Variants in SPTB observed in about 807,000 individuals in gnomAD.
SPTB encodes spectrin beta chain, erythrocytic.
A neutral mutation model predicts 256.2 loss-of-function variants in SPTB; 45 were observed. The ratio of observed to expected loss-of-function variants is 0.18; its 90% CI spans 0.14 to 0.23. SPTB has a LOEUF of 0.23. Among genes scored for constraint, SPTB ranks in the 10% least tolerant of loss-of-function variants. The pLI is 1.00. For missense variants in SPTB, 2,715 were observed against 3,040.4 expected (o/e 0.89, Z 2.52); for synonymous variants, 1,231 against 1,243.1 (o/e 0.99, Z 0.21).
intron 32 of SPTB, chr14:64,766,486 T>A: frequency 7.0e-7 from 1 of 1,436,770 alleles, no homozygotes. Context: ...GTCATGTCAC[T>A]GGGCTGGCCT....
chr14:64,802,101 A>G lies in SPTB; in HGVS notation c.566+125T>C. ...AGAATCAGGTCAGGACAGACTTTGC[A>G]TCAATTACAGGGAGGCAGCTGTAGT... On this transcript the variant is annotated intron_variant, in intron 5 of 35. Coordinates refer to ENST00000644917, the MANE Select transcript of SPTB (RefSeq NM_001355436.2). The surrounding 1 kb of genome is among the most constrained non-coding windows in gnomAD (Gnocchi z 5.1). 1 of 999,842 alleles carries G rather than the reference A, an allele frequency of 1.0e-6. No homozygotes were observed. The highest frequency in any genetic ancestry group is 1.6e-6 in the Non-Finnish European group (1 of 641,310). 61.9% of individuals were successfully genotyped at this position (999,842 alleles called of 1,614,324 possible). A position where few individuals can be genotyped will look rare whatever the true frequency, so the allele number is the denominator to read the frequency against.
At chr14:64,838,357 A>C (rs760036109) in intron 1 of SPTB, among the ~76,000 whole-genome samples, 9 of 152,224 alleles carry the variant, frequency 5.9e-5, no homozygotes, top group Non-Finnish European at 1.0e-4. Flanking sequence ...GTTAAGCAAA[A>C]TATTTTAAAC....
At chr14:64,864,861 A>T (rs1455088280) in intron 1 of SPTB, among the ~76,000 whole-genome samples, 1 of 152,214 alleles carries the variant, frequency 6.6e-6, no homozygotes, top group East Asian at 1.9e-4. Context: ...CAGGCAGGAA[A>T]GAAGGTCTGG....
chr14:64,845,030 A>G lies in SPTB; in HGVS notation c.-51-21885T>C, dbSNP rs1245950145. ...CAATACTTCCTTGTTAAAGAGAGAG[A>G]TGGACATGGAAAATAAGCAAAGCAC... is the stretch of plus-strand genomic sequence containing the variant. On this transcript the variant is annotated intron_variant, in intron 1 of 35. Transcript: ENST00000644917. This position sits in a 1 kb window ranked among gnomAD's most constrained non-coding sequence, Gnocchi z 4.8. Among the ~76,000 whole-genome samples, 1 of 152,242 alleles carries G rather than the reference A, an allele frequency of 6.6e-6. No homozygotes were observed. The highest frequency in any genetic ancestry group is 1.5e-5 in the Non-Finnish European group (1 of 68,038).
intron 10 of SPTB, among the ~76,000 whole-genome samples, chr14:64,797,259 G>C (rs2139609481): frequency 6.6e-6 from 1 of 152,034 alleles, no homozygotes; most frequent in African/African-American, 2.4e-5. Flanking sequence ...GATTGTTTGA[G>C]CCCAGTACAA....
chr14:64,877,436 C>A (rs1437805387), intron 1 of SPTB, among the ~76,000 whole-genome samples: 1 of 152,178 alleles, frequency 6.6e-6, no homozygotes, highest in Non-Finnish European at 1.5e-5. Flanking sequence ...TAGAACCAAA[C>A]AAACTGAGTT....
rs2082527927 is a variant in SPTB, at chr14:64,784,488, A to G, written c.3856-95T>C. On this transcript the variant is annotated intron_variant, in intron 18 of 35. Coordinates refer to ENST00000644917, the MANE Select transcript of SPTB (RefSeq NM_001355436.2). The stretch of plus-strand genomic sequence containing the variant: ...TCCCTGGCTGCAGAAGGAGAAGGCC[A>G]TGGGGAGGAAGTGCAAGCACAGAAG... 3 of 1,517,830 alleles carry G rather than the reference A, an allele frequency of 2.0e-6. No individual in the cohort carries two copies. The Admixed American group carries it at 5.0e-5, about 25-fold the overall frequency. 94.0% of individuals were successfully genotyped at this position (1,517,830 alleles called of 1,614,324 possible). A position where few individuals can be genotyped will look rare whatever the true frequency, so the allele number is the denominator to read the frequency against.
chr14:64,820,068 A>G (rs17102170), intron 2 of SPTB, among the ~76,000 whole-genome samples: 4,933 of 152,248 alleles, frequency 0.032, 275 homozygotes, highest in African/African-American at 0.11. Flanking sequence ...TTTCAGAAGA[A>G]GACGCCAGGC....
intron 32 of SPTB, chr14:64,763,764 T>A (rs774522663): frequency 1.7e-5 from 9 of 518,912 alleles, no homozygotes; most frequent in Non-Finnish European, 3.8e-6. Flanking sequence ...CTTACCTGTA[T>A]GAACGGATTG....
Position 64,751,927 on chromosome 14 carries a change from C to CAAAAA in SPTB, c.6602+1605_6602+1609dup, listed in dbSNP as rs374561563. ...TGAAACCCCATTTCTACTAAAAATG[C>CAAAAA]AAAAAAAAAAAAAAAAATTAGCCAG... On this transcript the variant is annotated intron_variant, in intron 33 of 35. Transcript: ENST00000644917. Among the ~76,000 whole-genome samples the CAAAAA allele has an allele frequency of 2.9e-4, 21 of 71,948 alleles. 1 individual carries two copies. The highest frequency in any genetic ancestry group is 5.7e-4 in the African/African-American group (10 of 17,512). 47.2% of individuals were successfully genotyped at this position (71,948 alleles called of 152,430 possible). A position where few individuals can be genotyped will look rare whatever the true frequency, so the allele number is the denominator to read the frequency against.
chr14:64,876,570 T>C (rs1041127928), intron 1 of SPTB, among the ~76,000 whole-genome samples: 5 of 152,180 alleles, frequency 3.3e-5, no homozygotes, highest in African/African-American at 1.2e-4. Context: ...TCCTTCCCCA[T>C]GCCCCCCAAA....
chr14:64,749,478 G>T lies in SPTB; in HGVS notation c.6820-5C>A. 1 of 1,599,302 alleles carries T rather than the reference G, an allele frequency of 6.3e-7. No individual in the cohort carries two copies. ...CAGCCAGGACAGCATCTCCTCCTGCGGGGCGGAGGGTCACGGTGGAGTCTG... is the reference window on the plus strand; with the variant it reads ...CAGCCAGGACAGCATCTCCTCCTGCTGGGCGGAGGGTCACGGTGGAGTCTG... On this transcript the variant is annotated splice_polypyrimidine_tract_variant and splice_region_variant and intron_variant, in intron 35 of 35. Coordinates refer to ENST00000644917, the MANE Select transcript of SPTB (RefSeq NM_001355436.2). This position sits in a 1 kb window ranked among gnomAD's most constrained non-coding sequence, Gnocchi z 4.7.
rs2082272926 is a variant in SPTB at position 64,771,097 on chromosome 14, C to T, written c.5586G>A (p.Leu1862=). 1 of 1,614,070 alleles carries T rather than the reference C, an allele frequency of 6.2e-7. No individual in the cohort carries two copies. Among genetic ancestry groups the T allele is most frequent in the Non-Finnish European group, 8.5e-7 (1 of 1,180,050 alleles). Reference sequence around the variant, plus strand: ...CCTTCTCCCCAGCATATGCTGTCTGCAGACGGGTGGCCACGTCCTGGAACT... The same window carrying T: ...CCTTCTCCCCAGCATATGCTGTCTGTAGACGGGTGGCCACGTCCTGGAACT... ...VQQFQDVATR[L]QTAYAGEKAE... Residue 1862 remains leucine, a synonymous_variant, in exon 27 of 36, where the codon CTG becomes CTA. Coordinates refer to ENST00000644917, the MANE Select transcript of SPTB (RefSeq NM_001355436.2).
intron 1 of SPTB, among the ~76,000 whole-genome samples, chr14:64,877,114 T>G (rs541180064): frequency 1.3e-5 from 2 of 150,370 alleles, no homozygotes; most frequent in Non-Finnish European, 3.0e-5. Context: ...CAAGCCCTCC[T>G]GGCCACTTCC....
rs187917048 is a variant in SPTB at position 64,800,191 on chromosome 14, G to A, written c.877-257C>T. ...GGGTTGGGTGCAGTTCCCCTCCCCA[G>A]TGCTAGAGAAGATTGGTAAGCTTGC... On this transcript the variant is annotated intron_variant, in intron 8 of 35. Coordinates refer to ENST00000644917, the MANE Select transcript of SPTB (RefSeq NM_001355436.2). Among the ~76,000 whole-genome samples, 56 of 152,346 alleles carry A rather than the reference G, an allele frequency of 3.7e-4. No homozygotes were observed. In the East Asian group the frequency reaches 0.011, roughly 29 times the overall value.
Position 64,760,422 on chromosome 14 carries a change from C to T in SPTB, c.6345+6304G>A, listed in dbSNP as rs963923018. On this transcript the variant is annotated intron_variant, in intron 32 of 35. Coordinates refer to ENST00000644917, the MANE Select transcript of SPTB (RefSeq NM_001355436.2). This position sits in a 1 kb window ranked among gnomAD's most constrained non-coding sequence, Gnocchi z 4.3. ...CTCAGGCTCCCAGGAGAAACACAAC[C>T]TGGCTCCGGACCACAGGGTGTTTCA... Among the ~76,000 whole-genome samples, 2 of 152,172 alleles carry T rather than the reference C, an allele frequency of 1.3e-5. No individual in the cohort carries two copies. Among genetic ancestry groups the T allele is most frequent in the Non-Finnish European group, 2.9e-5 (2 of 68,038 alleles).
At chr14:64,812,128 T>C (rs568760290) in intron 2 of SPTB, among the ~76,000 whole-genome samples, 1 of 152,370 alleles carries the variant, frequency 6.6e-6, no homozygotes, top group African/African-American at 2.4e-5. Flanking sequence ...TTTGTATTTT[T>C]AGTAGAGACA....
At chr14:64,839,573 T>C (rs1416552258) in intron 1 of SPTB, among the ~76,000 whole-genome samples, 1 of 152,210 alleles carries the variant, frequency 6.6e-6, no homozygotes, top group East Asian at 1.9e-4. Flanking sequence ...AATTATGCTT[T>C]GATAGACCTA....
In SPTB at chr14:64,866,940, C is replaced by G. The variant is rs1216648940; in HGVS notation, c.-52+12852G>C. On this transcript the variant is annotated intron_variant, in intron 1 of 35. Coordinates refer to ENST00000644917, the MANE Select transcript of SPTB (RefSeq NM_001355436.2). The surrounding 1 kb of genome is among the most constrained non-coding windows in gnomAD (Gnocchi z 4.6). ...AAATCTTGTGTCCGTGGATCTGAAA[C>G]GCCCACTCAAAGAGCCTTTCATAGC... 6.6e-6 allele frequency among the ~76,000 whole-genome samples: 1 copy of G among 152,096 alleles called. No homozygotes were observed. Among genetic ancestry groups the G allele is most frequent in the South Asian group, 2.1e-4 (1 of 4,822 alleles).
Sources: allele counts gnomAD v4.1 joint callset (sites outside exome capture counted in the v4.1 genomes callset), GRCh38; gene constraint gnomAD v4.1.1; non-coding constraint Gnocchi (gnomAD v3.1); transcripts MANE v1.5; gene names NCBI Gene and HGNC (gene_info 2026-07-23, HGNC 2026-07-21).